SAMD3: variants seen among roughly 807,000 people sequenced by gnomAD.
SAMD3 encodes sterile alpha motif domain-containing protein 3.
SAMD3 carries 63 observed loss-of-function variants against 58.5 expected under a neutral mutation model. That is an observed-to-expected ratio of 1.08 (90% confidence interval 0.88 to 1.33). The LOEUF is 1.33. Ranked by LOEUF, SAMD3 falls within the 40% of genes most tolerant of loss-of-function variation. The pLI, the probability that SAMD3 is intolerant of heterozygous loss-of-function variation, is 0.00. For missense variants in SAMD3, 604 were observed against 608.4 expected, an observed-to-expected ratio of 0.99 and a Z score of 0.08; for synonymous variants, 220 against 210.3, an observed-to-expected ratio of 1.05 and a Z score of -0.40.
At chr6:130,342,708 C>T (rs1466673717) in intron 1 of SAMD3, among the ~76,000 whole-genome samples, 2 of 152,116 alleles carry the variant, frequency 1.3e-5, no homozygotes, top group African/African-American at 4.8e-5. Context: ...TTTAACCCAA[C>T]ACTTCATTGT....
chr6:130,220,714 G>A (rs1472044257), intron 1 of SAMD3, among the ~76,000 whole-genome samples: 2 of 152,080 alleles, frequency 1.3e-5, no homozygotes, highest in Admixed American at 1.3e-4. Flanking sequence ...TAAAAAGAAC[G>A]AAAAATGCTT....
At chr6:130,255,117 T>C (rs1257143919) in intron 2 of SAMD3, among the ~76,000 whole-genome samples, 4 of 152,242 alleles carry the variant, frequency 2.6e-5, no homozygotes, top group Non-Finnish European at 5.9e-5. Context: ...ACAATTCCTC[T>C]TGTTATTGAC....
At chr6:130,166,148 G>T (rs551365069) in intron 8 of SAMD3, among the ~76,000 whole-genome samples, 1 of 152,150 alleles carries the variant, frequency 6.6e-6, no homozygotes, top group Non-Finnish European at 1.5e-5. Flanking sequence ...CACAGCCCAG[G>T]ATGTCATTCT....
chr6:130,303,237 A>G (rs893110632), intron 2 of SAMD3, among the ~76,000 whole-genome samples: 40 of 152,118 alleles, frequency 2.6e-4, no homozygotes, highest in African/African-American at 8.9e-4. Flanking sequence ...CATCTCCAGA[A>G]TCACAAATCA....
At chr6:130,175,666 A>C (rs1582797667) in intron 8 of SAMD3, 175 bp downstream of exon 8, 2 of 432,226 alleles carry the variant, frequency 4.6e-6, no homozygotes, top group East Asian at 6.9e-5. Flanking sequence ...TTTTCTTGGA[A>C]ATATCACGCT....
upstream of SAMD3, among the ~76,000 whole-genome samples, chr6:130,225,298 C>A (rs546327968): frequency 6.6e-6 from 1 of 152,284 alleles, no homozygotes; most frequent in South Asian, 2.1e-4. Flanking sequence ...AGTCTCAAAT[C>A]CATCTTCCTG....
rs534589010 is a variant in SAMD3 at position 130,176,976 on chromosome 6, A to G, written c.655-968T>C. Among the ~76,000 whole-genome samples, 378 of 152,278 alleles carry G rather than the reference A, an allele frequency of 2.5e-3. 1 individual carries two copies. The highest frequency in any genetic ancestry group is 8.6e-3 in the African/African-American group (356 of 41,566). On this transcript the variant is annotated intron_variant, in intron 7 of 11. Transcript: ENST00000439090. ...ATGGTCACCCCATTAAGGAACCTCA[A>G]TGTAATCCTGAACCAGATCTTAAAT...
intron 2 of SAMD3, among the ~76,000 whole-genome samples, chr6:130,248,853 C>T (rs923267137): frequency 6.6e-6 from 1 of 152,122 alleles, no homozygotes; most frequent in South Asian, 2.1e-4. Context: ...GAATCCTGCT[C>T]TTATTCCTGG....
intron 4 of SAMD3, 89 bp from the exon 5 acceptor site, chr6:130,209,697 G>T: frequency 6.6e-6 from 5 of 758,782 alleles, no homozygotes; most frequent in Non-Finnish European, 1.1e-5. Flanking sequence ...CCAGCCCAGA[G>T]TAAACATCAT....
At chr6:130,257,452 C>T (rs1315199386) in intron 2 of SAMD3, among the ~76,000 whole-genome samples, 1 of 152,076 alleles carries the variant, frequency 6.6e-6, no homozygotes, top group African/African-American at 2.4e-5. Context: ...TAGTAGTTGT[C>T]ATTCATTTCA....
upstream of SAMD3, chr6:130,365,760 AT>A: frequency 1.0e-6 from 1 of 985,460 alleles, no homozygotes; most frequent in Non-Finnish European, 1.2e-6. Context: ...TCTGCGGGTG[AT>A]TTGGGCTCTC....
chr6:130,329,977 A>C (rs1776877892), intron 1 of SAMD3, among the ~76,000 whole-genome samples: 1 of 152,178 alleles, frequency 6.6e-6, no homozygotes, highest in South Asian at 2.1e-4. Flanking sequence ...CAGGGCTTAA[A>C]ACCTAGATGA....
chr6:130,239,156 G>A (rs1481554918), intron 2 of SAMD3, among the ~76,000 whole-genome samples: 6 of 152,164 alleles, frequency 3.9e-5, no homozygotes, highest in Admixed American at 6.5e-5. Flanking sequence ...GAGGGCCAGA[G>A]AAGTGGACTG....
At chr6:130,189,984 A>G (rs535030816) in intron 5 of SAMD3, among the ~76,000 whole-genome samples, 1 of 152,308 alleles carries the variant, frequency 6.6e-6, no homozygotes, top group Admixed American at 6.5e-5. Context: ...TCTGGACTCA[A>G]AGACTTGGGG....
rs60776958 is a variant in SAMD3, at chr6:130,309,627, T to C, written c.-188+3351A>G. ...GCATCTAGCCACCAAGCAGTGGAAT[T>C]GAAAACAGCAAAAAGCCTAACAGTA... On this transcript the variant is annotated intron_variant, in intron 2 of 13. Coordinates refer to the SAMD3 transcript ENST00000368134. Among the ~76,000 whole-genome samples the C allele has an allele frequency of 3.3e-5, 5 of 152,310 alleles. No homozygotes were observed. The East Asian group carries it at 9.6e-4, about 29-fold the overall frequency.
At chr6:130,263,499 C>A (rs888650350) in intron 2 of SAMD3, among the ~76,000 whole-genome samples, 3 of 152,110 alleles carry the variant, frequency 2.0e-5, no homozygotes, top group Admixed American at 6.5e-5. Flanking sequence ...ATAGACTCAT[C>A]ATGCCCGACT....
At chr6:130,236,725 TATTATGTA>T in intron 2 of SAMD3, among the ~76,000 whole-genome samples, 1 of 152,244 alleles carries the variant, frequency 6.6e-6, no homozygotes. Flanking sequence ...GACCAGTTTA[TATTATGTA>T]ATCAGTAGTG....
rs1222477834 is a variant in SAMD3, at chr6:130,158,532, A to G, written c.823-3507T>C. On this transcript the variant is annotated intron_variant, in intron 8 of 11. Transcript: ENST00000439090. ...TAAGAAGTTAAATTTTAAGAGCAAA[A>G]ACTTAAAAAAATTTAAAGAAAATAT... is the stretch of plus-strand genomic sequence containing the variant. Among the ~76,000 whole-genome samples, 2 of 152,190 alleles carry G rather than the reference A, an allele frequency of 1.3e-5. 1 individual carries two copies. The highest frequency in any genetic ancestry group is 4.8e-5 in the African/African-American group (2 of 41,458).
intron 1 of SAMD3, among the ~76,000 whole-genome samples, chr6:130,326,630 G>A (rs1333397572): frequency 6.6e-6 from 1 of 152,174 alleles, no homozygotes; most frequent in African/African-American, 2.4e-5. Context: ...ACAGAAGGCA[G>A]TCCATAAATA....
Sources: allele counts gnomAD v4.1 joint callset (sites outside exome capture counted in the v4.1 genomes callset), GRCh38; gene constraint gnomAD v4.1.1; transcripts MANE v1.5; gene names NCBI Gene and HGNC (gene_info 2026-07-23, HGNC 2026-07-21).